Variants in FNDC3B observed in about 807,000 individuals in gnomAD.
FNDC3B encodes the protein fibronectin type III domain containing 3B.
A neutral mutation model predicts 151.5 loss-of-function variants in FNDC3B; 12 were observed. The observed-to-expected ratio is 0.08, with a 90% CI of 0.05 to 0.13. The LOEUF (loss-of-function observed/expected upper bound fraction) is 0.13. Ranked by LOEUF, FNDC3B falls within the 10% of genes least tolerant of loss-of-function variation. The pLI is 1.00. For missense variants in FNDC3B, 1,214 were observed against 1,505.3 expected (o/e 0.81, Z 3.20); for synonymous variants, 528 against 549.0 (o/e 0.96, Z 0.54).
intron 1 of FNDC3B, among the ~76,000 whole-genome samples, chr3:172,097,841 T>A (rs1292918630): frequency 1.3e-5 from 2 of 152,204 alleles, no homozygotes; most frequent in South Asian, 4.1e-4. Flanking sequence ...TATCTTTTAT[T>A]TTACAGCAGC....
At chr3:172,394,040 G>A (rs977243164) in intron 25 of FNDC3B, among the ~76,000 whole-genome samples, 1 of 139,460 alleles carries the variant, frequency 7.2e-6, no homozygotes, top group African/African-American at 2.6e-5. Context: ...CCCAGGAGGC[G>A]GAGCTTGCAG....
chr3:172,314,738 A>G (rs888737987), intron 11 of FNDC3B, among the ~76,000 whole-genome samples: 1 of 152,226 alleles, frequency 6.6e-6, no homozygotes, highest in Non-Finnish European at 1.5e-5. Flanking sequence ...GAGATTAGGA[A>G]TGCTGTGCCG....
chr3:172,380,740 A>G (rs867505368), intron 24 of FNDC3B, among the ~76,000 whole-genome samples: 18 of 152,236 alleles, frequency 1.2e-4, no homozygotes, highest in African/African-American at 3.6e-4. Context: ...TAATGGGATA[A>G]TGGGCAAAGG....
intron 7 of FNDC3B, among the ~76,000 whole-genome samples, chr3:172,292,874 A>G (rs368011570): frequency 1.3e-4 from 20 of 152,366 alleles, no homozygotes; most frequent in African/African-American, 4.6e-4. Context: ...AGGTAGAGAA[A>G]CAACACACAA....
intron 1 of FNDC3B, among the ~76,000 whole-genome samples, chr3:172,095,848 C>T (rs1418088233): frequency 7.2e-5 from 11 of 152,148 alleles, no homozygotes; most frequent in East Asian, 1.9e-4. Context: ...AGTATCACAG[C>T]GTGCACTTCC....
intron 11 of FNDC3B, among the ~76,000 whole-genome samples, chr3:172,327,673 G>A (rs1008533221): frequency 6.6e-6 from 1 of 152,214 alleles, no homozygotes. Flanking sequence ...CAAAGTGCTG[G>A]GATTACAGGC....
chr3:172,377,397 T>C (rs1312903732), intron 23 of FNDC3B, among the ~76,000 whole-genome samples: 1 of 152,250 alleles, frequency 6.6e-6, no homozygotes, highest in East Asian at 1.9e-4. Flanking sequence ...TCCAAAATTT[T>C]ACAGTTAAAC....
intron 11 of FNDC3B, among the ~76,000 whole-genome samples, chr3:172,312,307 G>A (rs921427799): frequency 6.6e-6 from 1 of 152,190 alleles, no homozygotes; most frequent in African/African-American, 2.4e-5. Flanking sequence ...TGTACATGCA[G>A]GTTGGTAAAA....
rs559009952 is a variant in FNDC3B, at chr3:172,246,323, G to T, written c.265-1210G>T. Reference sequence around the variant, plus strand: ...TACTCCGTGTCCACTTCCTTGCAGGGCCCTGACCTAGAGGCCATCTCTCAG... The same window carrying T: ...TACTCCGTGTCCACTTCCTTGCAGGTCCCTGACCTAGAGGCCATCTCTCAG... On this transcript the variant is annotated intron_variant, in intron 4 of 25. Coordinates refer to ENST00000415807, the MANE Select transcript of FNDC3B (RefSeq NM_022763.4). Among the ~76,000 whole-genome samples the T allele has an allele frequency of 9.2e-5, 14 of 152,258 alleles. No homozygotes were observed. The South Asian group carries it at 2.9e-3, about 32-fold the overall frequency.
At chr3:172,364,836 C>T (rs1176932164) in intron 23 of FNDC3B, among the ~76,000 whole-genome samples, 1 of 152,256 alleles carries the variant, frequency 6.6e-6, no homozygotes, top group East Asian at 1.9e-4. Flanking sequence ...TTTAAGAAAA[C>T]TTCGCATTAG....
intron 2 of FNDC3B, among the ~76,000 whole-genome samples, chr3:172,122,136 T>A (rs1416989279): frequency 6.6e-6 from 1 of 151,942 alleles, no homozygotes; most frequent in African/African-American, 2.4e-5. Flanking sequence ...AGGCAGACTC[T>A]TTTCTTTTTT....
chr3:172,170,047 T>G (rs991721742), intron 3 of FNDC3B, among the ~76,000 whole-genome samples: 1 of 128,802 alleles, frequency 7.8e-6, no homozygotes, highest in African/African-American at 2.5e-5. Flanking sequence ...CATTCCAATC[T>G]ATTTTTTTTG....
intron 6 of FNDC3B, among the ~76,000 whole-genome samples, chr3:172,253,353 C>G (rs573377760): frequency 6.6e-6 from 1 of 152,186 alleles, no homozygotes; most frequent in African/African-American, 2.4e-5. Context: ...AAAAGGCAAA[C>G]GTGAATCACA....
At chr3:172,174,128 A>C (rs1378504561) in intron 3 of FNDC3B, among the ~76,000 whole-genome samples, 2 of 152,186 alleles carry the variant, frequency 1.3e-5, no homozygotes, top group African/African-American at 4.8e-5. Flanking sequence ...ACACCTCTGC[A>C]TGCAGAATGA....
intron 3 of FNDC3B, among the ~76,000 whole-genome samples, chr3:172,137,487 T>C (rs1721428453): frequency 6.6e-6 from 1 of 152,082 alleles, no homozygotes; most frequent in Non-Finnish European, 1.5e-5. Flanking sequence ...GAGACCCATC[T>C]CTACCAAAGA....
intron 3 of FNDC3B, among the ~76,000 whole-genome samples, chr3:172,191,263 T>C (rs182168844): frequency 6.6e-6 from 1 of 152,324 alleles, no homozygotes; most frequent in Non-Finnish European, 1.5e-5. Context: ...GATGTTAACA[T>C]GTTGGCATAT....
intron 21 of FNDC3B, among the ~76,000 whole-genome samples, chr3:172,347,810 G>A (rs566716199): frequency 2.6e-5 from 4 of 152,304 alleles, no homozygotes; most frequent in Middle Eastern, 3.4e-3. Context: ...GTCTGCATTA[G>A]ATTACAGGAC....
chr3:172,394,105 C>CT (rs764122843), intron 25 of FNDC3B, among the ~76,000 whole-genome samples: 1 of 6,228 alleles, frequency 1.6e-4, no homozygotes, highest in Non-Finnish European at 4.5e-4. Context: ...GAGACTCCTT[C>CT]TAAAAAAAAA....
At chr3:172,385,797 A>G (rs941129496) in intron 25 of FNDC3B, among the ~76,000 whole-genome samples, 4 of 152,082 alleles carry the variant, frequency 2.6e-5, no homozygotes, top group Non-Finnish European at 4.4e-5. Context: ...TGACCTGGTG[A>G]TCCACCCACC....
Sources: gnomAD v4.1 joint callset for allele counts (sites outside exome capture counted in the v4.1 genomes callset) on GRCh38, gnomAD v4.1.1 for gene constraint, MANE v1.5 for transcripts, NCBI Gene and HGNC (gene_info 2026-07-23, HGNC 2026-07-21) for gene names.